The following RSPH9 variants were observed in gnomAD, a reference collection of about 807,000 sequenced individuals.
RSPH9 encodes the protein radial spoke head protein 9 homolog.
Under a neutral mutation model 27.0 loss-of-function variants are expected in RSPH9, and 27 were observed. The ratio of observed to expected loss-of-function variants is 1.00; its 90% confidence interval spans 0.74 to 1.38. RSPH9 has a LOEUF of 1.38. RSPH9 is among the 40% of genes most tolerant of loss of function. The pLI, the probability that RSPH9 is intolerant of heterozygous loss-of-function variation, is 0.00. For synonymous variants in RSPH9, 145 were observed against 147.7 expected (o/e 0.98, Z 0.13); for missense variants, 347 against 357.4 (o/e 0.97, Z 0.24).
chr6:43,670,333 G>A (rs1313097458), intron 4 of RSPH9, among the ~76,000 whole-genome samples: 2 of 152,322 alleles, frequency 1.3e-5, no homozygotes, highest in African/African-American at 4.8e-5. Context: ...TGGGCGTGGT[G>A]GCTCACATCT....
At chr6:43,664,319 C>T (rs1772923353) in intron 4 of RSPH9, among the ~76,000 whole-genome samples, 1 of 152,170 alleles carries the variant, frequency 6.6e-6, no homozygotes, top group Non-Finnish European at 1.5e-5. Context: ...CAGCCTCTGC[C>T]TCCCGGGTTT....
chr6:43,650,253 A>C, intron 1 of RSPH9, 122 bp from the exon 2 acceptor site: 3 of 1,136,730 alleles, frequency 2.6e-6, no homozygotes, highest in Non-Finnish European at 2.6e-6. Flanking sequence ...CAGCATTGGG[A>C]GGAAAGGTGG....
At chr6:43,651,737 C>T (rs920053913) in intron 2 of RSPH9, among the ~76,000 whole-genome samples, 6 of 151,786 alleles carry the variant, frequency 4.0e-5, no homozygotes, top group South Asian at 4.2e-4. Flanking sequence ...TTAATAGTGA[C>T]GGGGTTTTAC....
intron 4 of RSPH9, among the ~76,000 whole-genome samples, chr6:43,661,777 A>G (rs1437678614): frequency 6.6e-6 from 1 of 151,814 alleles, no homozygotes; most frequent in Non-Finnish European, 1.5e-5. Flanking sequence ...CAGTGATCTT[A>G]GCCAGGTCTT....
chr6:43,647,274 T>A (rs1770986382), intron 1 of RSPH9, among the ~76,000 whole-genome samples: 2 of 152,146 alleles, frequency 1.3e-5, no homozygotes, highest in Non-Finnish European at 2.9e-5. Flanking sequence ...TGTGTAGAAC[T>A]GGTTCTAGAG....
intron 1 of RSPH9, among the ~76,000 whole-genome samples, chr6:43,647,166 T>C (rs1770974243): frequency 7.3e-6 from 1 of 136,080 alleles, no homozygotes; most frequent in African/African-American, 2.5e-5. Context: ...ACTTTAAAAA[T>C]AAATAGGCCA....
At chr6:43,667,192 G>A (rs1224051222) in intron 4 of RSPH9, among the ~76,000 whole-genome samples, 1 of 152,246 alleles carries the variant, frequency 6.6e-6, no homozygotes, top group East Asian at 1.9e-4. Context: ...GGTTTGGGAA[G>A]ATCAAATGAA....
At chr6:43,670,052 A>C (rs1172894377) in intron 4 of RSPH9, among the ~76,000 whole-genome samples, 1 of 152,206 alleles carries the variant, frequency 6.6e-6, no homozygotes, top group Non-Finnish European at 1.5e-5. Flanking sequence ...GGCTTCAGGA[A>C]ATGGGGAAGA....
chr6:43,663,805 G>A lies in RSPH9; in HGVS notation c.671-6984G>A, dbSNP rs780361238. Among the ~76,000 whole-genome samples the A allele has an allele frequency of 3.3e-4, 50 of 152,020 alleles. 1 individual carries two copies. The highest frequency in any genetic ancestry group is 1.2e-4 in the Non-Finnish European group (8 of 67,964). On this transcript the variant is annotated intron_variant, in intron 4 of 4. Coordinates refer to ENST00000372163, the MANE Select transcript of RSPH9 (RefSeq NM_152732.5). ...AGCACTTTGGGAGGCCGAGGTGGGC[G>A]GATCACTAAAGGCCAGGAGTTTGAG... is the stretch of plus-strand genomic sequence containing the variant.
Position 43,656,607 on chromosome 6 carries a change from G to A in RSPH9, c.554G>A (p.Ser185Asn), listed in dbSNP as rs760854443. The change falls in exon 4 of 5, where the codon AGC (serine) becomes AAC (asparagine). Residue 185 changes from serine (S) to asparagine (N), a missense_variant. By Grantham distance (46) the Ser-to-Asn change is conservative. Coordinates refer to ENST00000372163, the MANE Select transcript of RSPH9 (RefSeq NM_152732.5). ...GLSLSEAKKL[S>N]SYFHFREPVE... is the part of the protein sequence containing the mutation. ...TCCTTGTCTGAGGCCAAGAAGCTCA[G>A]CTCCTACTTCCATTTCAGGGAGCCT... 6.2e-7 allele frequency: 1 copy of A among 1,614,226 alleles called. No homozygotes were observed. Among genetic ancestry groups the A allele is most frequent in the Non-Finnish European group, 8.5e-7 (1 of 1,180,042 alleles).
At chr6:43,656,334 C>T (rs1170517922) in intron 3 of RSPH9, among the ~76,000 whole-genome samples, 1 of 152,196 alleles carries the variant, frequency 6.6e-6, no homozygotes, top group Admixed American at 6.6e-5. Context: ...GATCTGCCTG[C>T]CTCGGCTTCC....
intron 3 of RSPH9, among the ~76,000 whole-genome samples, chr6:43,655,970 T>C (rs1771968157): frequency 1.3e-5 from 2 of 151,040 alleles, no homozygotes; most frequent in African/African-American, 4.9e-5. Flanking sequence ...TGCCTTTTCC[T>C]ATCTCCTTCC....
intron 2 of RSPH9, 115 bp from the exon 3 acceptor site, chr6:43,655,447 C>A: frequency 1.8e-6 from 2 of 1,132,942 alleles, no homozygotes; most frequent in Non-Finnish European, 2.7e-6. Context: ...ATCTGTGTGG[C>A]TCTGGGGTCC....
intron 4 of RSPH9, among the ~76,000 whole-genome samples, chr6:43,666,260 T>G (rs746537850): frequency 2.0e-5 from 3 of 152,118 alleles, no homozygotes; most frequent in Non-Finnish European, 4.4e-5. Flanking sequence ...AAAAGAGCAG[T>G]CTGAGCTGCT....
At chr6:43,662,511 C>A (rs1247762808) in intron 4 of RSPH9, among the ~76,000 whole-genome samples, 1 of 151,912 alleles carries the variant, frequency 6.6e-6, no homozygotes, top group Non-Finnish European at 1.5e-5. Flanking sequence ...GGACTATAGG[C>A]GCCCGCCACC....
In RSPH9 at chr6:43,669,084, G is replaced by A. The variant is rs905467742; in HGVS notation, c.671-1705G>A. Among the ~76,000 whole-genome samples the A allele has an allele frequency of 2.0e-5, 3 of 152,332 alleles. No homozygotes were observed. In the East Asian group the frequency reaches 5.8e-4, roughly 29 times the overall value. ...AGAGGCAGAGGACCTCAAGCACCCA[G>A]AGAAAAGTTTTAAGAGTCAGGGGAA... On this transcript the variant is annotated intron_variant, in intron 4 of 4. Transcript: ENST00000372163.
intron 4 of RSPH9, among the ~76,000 whole-genome samples, chr6:43,657,482 C>T (rs762829273): frequency 7.2e-5 from 11 of 152,172 alleles, no homozygotes; most frequent in African/African-American, 2.4e-4. Context: ...GAGAGTTAAA[C>T]CCAAGGACAC....
intron 4 of RSPH9, among the ~76,000 whole-genome samples, chr6:43,669,555 G>C (rs1049246207): frequency 6.6e-6 from 1 of 152,256 alleles, no homozygotes; most frequent in African/African-American, 2.4e-5. Context: ...AAGCAGCCAG[G>C]CTGAGCTGGC....
rs1434026003 is a variant in RSPH9, at chr6:43,645,610, T to A, written c.227+285T>A. On this transcript the variant is annotated intron_variant, in intron 1 of 4. Coordinates refer to ENST00000372163, the MANE Select transcript of RSPH9 (RefSeq NM_152732.5). ...GCGATGTCCCCCGGAGGGCGGGGCC[T>A]TGCGAGAGCTTGTTCTCCGCCTGAG... Among the ~76,000 whole-genome samples the A allele has an allele frequency of 2.0e-5, 3 of 152,244 alleles. No individual in the cohort carries two copies. In the East Asian group the frequency reaches 5.8e-4, roughly 29 times the overall value.
Sources: gnomAD v4.1 joint callset for allele counts (sites outside exome capture counted in the v4.1 genomes callset) on GRCh38, gnomAD v4.1.1 for gene constraint, MANE v1.5 for transcripts, NCBI Gene and HGNC (gene_info 2026-07-23, HGNC 2026-07-21) for gene names.